Variants in DHRSX observed in about 807,000 individuals in gnomAD.
DHRSX encodes the protein dehydrogenase/reductase X-linked.
DHRSX carries 31 observed loss-of-function variants against 34.0 expected under a neutral mutation model. The ratio of observed to expected loss-of-function variants is 0.91; its 90% CI spans 0.69 to 1.23. The LOEUF is 1.23. Ranked by LOEUF, DHRSX falls within the 50% of genes most tolerant of loss-of-function variation. The pLI, the probability that DHRSX is intolerant of heterozygous loss-of-function variation, is 0.00. For missense variants in DHRSX, 414 were observed against 428.1 expected, an observed-to-expected ratio of 0.97 and a Z score of 0.29; for synonymous variants, 201 against 183.8, an observed-to-expected ratio of 1.09 and a Z score of -0.76.
chrX:2,268,325 A>G (rs1466059048), intron 4 of DHRSX, among the ~76,000 whole-genome samples: 1 of 152,234 alleles, frequency 6.6e-6, no homozygotes, highest in East Asian at 1.9e-4. Flanking sequence ...CAATGTAGAT[A>G]TGTATTTGTA....
At chrX:2,358,927 C>T (rs1603001002) in intron 3 of DHRSX, among the ~76,000 whole-genome samples, 1 of 145,468 alleles carries the variant, frequency 6.9e-6, no homozygotes, top group Non-Finnish European at 1.5e-5. Context: ...CCAGCCTGGG[C>T]GACAGAGTGA....
At chrX:2,347,764 G>A (rs916249333) in intron 3 of DHRSX, among the ~76,000 whole-genome samples, 6 of 152,132 alleles carry the variant, frequency 3.9e-5, no homozygotes, top group African/African-American at 1.4e-4. Flanking sequence ...ATTTTCCCAG[G>A]CATTTAATGC....
At chrX:2,298,612 A>ACGCACG in intron 3 of DHRSX, among the ~76,000 whole-genome samples, 1 of 57,250 alleles carries the variant, frequency 1.7e-5, no homozygotes, top group African/African-American at 5.2e-5. Flanking sequence ...ACACACACAC[A>ACGCACG]CACACACACA....
intron 5 of DHRSX, among the ~76,000 whole-genome samples, chrX:2,247,810 C>A (rs754224347): frequency 4.6e-5 from 7 of 152,024 alleles, no homozygotes; most frequent in Non-Finnish European, 7.4e-5. Flanking sequence ...CAGAAGCAAA[C>A]CTTTCTTGCT....
intron 1 of DHRSX, among the ~76,000 whole-genome samples, chrX:2,451,795 G>T (rs1270789694): frequency 6.6e-6 from 1 of 152,154 alleles, no homozygotes; most frequent in Admixed American, 6.5e-5. Flanking sequence ...CCAAGGGACC[G>T]CCACTGTGTA....
At chrX:2,444,256 A>G (rs2044099572) in intron 1 of DHRSX, among the ~76,000 whole-genome samples, 1 of 152,198 alleles carries the variant, frequency 6.6e-6, no homozygotes, top group Non-Finnish European at 1.5e-5. Flanking sequence ...TGAAATTGAA[A>G]ATGTGATAAT....
chrX:2,459,516 TAGAGAGAG>T (rs750009785), intron 1 of DHRSX, among the ~76,000 whole-genome samples: 17 of 139,920 alleles, frequency 1.2e-4, no homozygotes, highest in Non-Finnish European at 2.6e-4. Flanking sequence ...TATTGTACCA[TAGAGAGAG>T]AGAGAGAGAG....
chrX:2,298,239 G>A (rs1044244007), intron 3 of DHRSX, among the ~76,000 whole-genome samples: 1 of 151,612 alleles, frequency 6.6e-6, no homozygotes, highest in African/African-American at 2.4e-5. Context: ...TCAGCCCTGA[G>A]ACACCTTGGA....
At chrX:2,231,379 C>T (rs2015872676) in intron 6 of DHRSX, among the ~76,000 whole-genome samples, 1 of 149,224 alleles carries the variant, frequency 6.7e-6, no homozygotes, top group African/African-American at 2.4e-5. Flanking sequence ...CTCCCTCTTT[C>T]CCTCCCTCTC....
At chrX:2,391,180 G>A (rs745704640) in intron 3 of DHRSX, among the ~76,000 whole-genome samples, 4 of 152,290 alleles carry the variant, frequency 2.6e-5, no homozygotes, top group Admixed American at 6.5e-5. Context: ...ACCCAGCAGT[G>A]GAATTCCTGG....
chrX:2,303,484 G>C (rs748749865), intron 3 of DHRSX, among the ~76,000 whole-genome samples: 2 of 152,090 alleles, frequency 1.3e-5, no homozygotes, highest in East Asian at 3.9e-4. Flanking sequence ...CCATTAAGAC[G>C]TGCTGGCTTC....
intron 3 of DHRSX, among the ~76,000 whole-genome samples, chrX:2,331,445 T>G (rs1266179425): frequency 0.041 from 2,909 of 71,810 alleles, 69 homozygotes; most frequent in African/African-American, 0.11. Flanking sequence ...GGTTTTTTTT[T>G]TTTTTTTTTT....
chrX:2,383,448 A>G (rs776114426), intron 3 of DHRSX, among the ~76,000 whole-genome samples: 2 of 152,002 alleles, frequency 1.3e-5, no homozygotes, highest in Non-Finnish European at 2.9e-5. Context: ...CTATATCACC[A>G]TCACCATAAT....
intron 6 of DHRSX, among the ~76,000 whole-genome samples, chrX:2,228,668 A>C (rs1189939539): frequency 6.6e-6 from 1 of 151,848 alleles, no homozygotes; most frequent in Non-Finnish European, 1.5e-5. Context: ...CTGATTTCTA[A>C]GATAAGGCAG....
At chrX:2,346,863 T>C (rs751636610) in intron 3 of DHRSX, among the ~76,000 whole-genome samples, 10 of 152,172 alleles carry the variant, frequency 6.6e-5, no homozygotes, top group East Asian at 1.9e-4. Flanking sequence ...TGTGTTCTCA[T>C]TGTTCAACTC....
intron 3 of DHRSX, among the ~76,000 whole-genome samples, chrX:2,310,610 A>G (rs2042152631): frequency 6.6e-6 from 1 of 151,188 alleles, no homozygotes; most frequent in Non-Finnish European, 1.5e-5. Flanking sequence ...AAGAGAGAGG[A>G]AGAAAAAAGA....
At chrX:2,388,061 A>C (rs2043292860) in intron 3 of DHRSX, among the ~76,000 whole-genome samples, 2 of 152,082 alleles carry the variant, frequency 1.3e-5, no homozygotes, top group African/African-American at 4.8e-5. Context: ...GGGACTGATC[A>C]GCCTCAGGGC....
intron 4 of DHRSX, among the ~76,000 whole-genome samples, chrX:2,282,742 AT>A: frequency 8.5e-6 from 1 of 117,812 alleles, no homozygotes; most frequent in Non-Finnish European, 1.8e-5. Flanking sequence ...GAGAGGGAGA[AT>A]GGGAGAGAGA....
intron 3 of DHRSX, among the ~76,000 whole-genome samples, chrX:2,395,324 G>C (rs1287852451): frequency 3.3e-5 from 5 of 152,100 alleles, no homozygotes; most frequent in Admixed American, 1.3e-4. Flanking sequence ...AACACACCTC[G>C]GCCACTGGGG....
Sources: gnomAD v4.1 joint callset for allele counts (sites outside exome capture counted in the v4.1 genomes callset) on GRCh38, gnomAD v4.1.1 for gene constraint, MANE v1.5 for transcripts, NCBI Gene and HGNC (gene_info 2026-07-23, HGNC 2026-07-21) for gene names.